BNC2: variants seen among roughly 807,000 people sequenced by gnomAD.
BNC2 encodes the protein basonuclin zinc finger protein 2, also known as zinc finger protein basonuclin-2.
In BNC2, 20 loss-of-function variants were observed where a neutral mutation model predicts 76.3. The observed-to-expected ratio is 0.26, with a 90% confidence interval of 0.18 to 0.38. The LOEUF is 0.38. Among genes scored for constraint, BNC2 ranks in the 10% least tolerant of loss-of-function variants. The pLI is 1.00. For synonymous variants in BNC2, 582 were observed against 514.8 expected, an observed-to-expected ratio of 1.13 and a Z score of -1.77; for missense variants, 1,382 against 1,399.8, an observed-to-expected ratio of 0.99 and a Z score of 0.20.
chr9:16,454,414 G>C (rs7856233), intron 5 of BNC2, among the ~76,000 whole-genome samples: 84,086 of 151,948 alleles, frequency 0.55, 25,866 homozygotes, highest in African/African-American at 0.83. Context: ...GATACTCTTG[G>C]CTCAGCCTCT....
chr9:16,431,910 G>A (rs530455413), intron 6 of BNC2, among the ~76,000 whole-genome samples: 2 of 152,262 alleles, frequency 1.3e-5, no homozygotes, highest in South Asian at 2.1e-4. Context: ...TGGAGCTCAG[G>A]CAGTAATGCT....
chr9:16,667,200 C>A (rs562567439), intron 3 of BNC2, among the ~76,000 whole-genome samples: 2 of 152,200 alleles, frequency 1.3e-5, no homozygotes, highest in African/African-American at 4.8e-5. Context: ...ATGTGATGAT[C>A]TACCTTCTTT....
intron 1 of BNC2, among the ~76,000 whole-genome samples, chr9:16,825,855 T>C (rs576913958): frequency 6.6e-6 from 1 of 152,026 alleles, no homozygotes; most frequent in African/African-American, 2.4e-5. Context: ...GTCTTTCACC[T>C]GAGCATAACT....
At chr9:16,452,095 G>C (rs892151982) in intron 5 of BNC2, among the ~76,000 whole-genome samples, 50 of 152,170 alleles carry the variant, frequency 3.3e-4, no homozygotes, top group Non-Finnish European at 3.8e-4. Flanking sequence ...GGTGCAGGGA[G>C]GCAGCATCAT....
At chr9:16,735,891 T>C (rs1246294431) in intron 2 of BNC2, among the ~76,000 whole-genome samples, 2 of 151,990 alleles carry the variant, frequency 1.3e-5, no homozygotes, top group Non-Finnish European at 2.9e-5. Context: ...ATAATAATGG[T>C]TTAAATTACT....
intron 3 of BNC2, among the ~76,000 whole-genome samples, chr9:16,703,007 A>G (rs1823559615): frequency 6.6e-6 from 1 of 152,188 alleles, no homozygotes; most frequent in Admixed American, 6.5e-5. Context: ...ACAAGTGATG[A>G]TATTTTTTAA....
intron 1 of BNC2, among the ~76,000 whole-genome samples, chr9:16,800,391 G>C (rs1048903830): frequency 2.0e-5 from 3 of 152,134 alleles, no homozygotes; most frequent in African/African-American, 4.8e-5. Flanking sequence ...AAGGAGCACA[G>C]CGTCTGTCCT....
At chr9:16,749,526 C>G (rs1008334101) in intron 1 of BNC2, among the ~76,000 whole-genome samples, 1 of 151,974 alleles carries the variant, frequency 6.6e-6, no homozygotes, top group South Asian at 2.1e-4. Context: ...AGAGTGAGAT[C>G]CCATCGCTAC....
chr9:16,849,121 T>C (rs1048361491), intron 1 of BNC2, among the ~76,000 whole-genome samples: 2 of 152,004 alleles, frequency 1.3e-5, no homozygotes, highest in African/African-American at 4.8e-5. Context: ...ATGAGAAAAT[T>C]CCAGAGTTTC....
intron 3 of BNC2, among the ~76,000 whole-genome samples, chr9:16,607,726 G>T (rs1482618742): frequency 6.6e-6 from 1 of 152,140 alleles, no homozygotes; most frequent in East Asian, 1.9e-4. Flanking sequence ...GAAATCTAAG[G>T]TGATGTTTTC....
At chr9:16,813,155 G>A (rs553374334) in intron 1 of BNC2, among the ~76,000 whole-genome samples, 174 of 152,200 alleles carry the variant, frequency 1.1e-3, no homozygotes, top group Non-Finnish European at 1.9e-3. Context: ...CTGAGATGGC[G>A]CCACTGCACT....
At chr9:16,563,511 T>C (rs1016303085) in intron 4 of BNC2, among the ~76,000 whole-genome samples, 2 of 152,178 alleles carry the variant, frequency 1.3e-5, no homozygotes, top group African/African-American at 4.8e-5. Context: ...CCCTTTTCCA[T>C]AAATTGAAAA....
At chr9:16,692,011 A>G (rs1216637098) in intron 3 of BNC2, among the ~76,000 whole-genome samples, 5 of 150,870 alleles carry the variant, frequency 3.3e-5, no homozygotes, top group Admixed American at 1.3e-4. Flanking sequence ...GGGTTTCTCC[A>G]TGCTGGCCAG....
At chr9:16,653,394 A>G (rs1484437740) in intron 3 of BNC2, among the ~76,000 whole-genome samples, 1 of 152,162 alleles carries the variant, frequency 6.6e-6, no homozygotes, top group Non-Finnish European at 1.5e-5. Flanking sequence ...TGCCGCCTTA[A>G]ATACAAAATG....
At position 16,702,638 on chromosome 9, in the gene BNC2, C is replaced by A. The variant is rs200178181; in HGVS notation, c.330+25159G>T. ...CATTTTATTTAAACTTATTCCCCTA[C>A]CATCCTACACTACTATTTCCAAAAA... On this transcript the variant is annotated intron_variant, in intron 3 of 6. Coordinates refer to ENST00000380672, the MANE Select transcript of BNC2 (RefSeq NM_017637.6). Among the ~76,000 whole-genome samples the A allele has an allele frequency of 9.4e-5, 3 of 31,816 alleles. No individual in the cohort carries two copies. In the East Asian group the frequency reaches 1.4e-3, roughly 15 times the overall value. The allele number at this position is 31,816 out of a possible 152,430, so 20.9% of individuals were successfully genotyped here. A position where few individuals can be genotyped will look rare whatever the true frequency, so the allele number is the denominator to read the frequency against.
chr9:16,716,168 C>G (rs572210055), intron 3 of BNC2, among the ~76,000 whole-genome samples: 26 of 152,140 alleles, frequency 1.7e-4, no homozygotes, highest in Non-Finnish European at 2.5e-4. Context: ...CACTTCCTTT[C>G]TAGAGCTATC....
intron 3 of BNC2, among the ~76,000 whole-genome samples, chr9:16,619,637 C>G (rs1820808566): frequency 6.6e-6 from 1 of 152,088 alleles, no homozygotes; most frequent in Non-Finnish European, 1.5e-5. Context: ...GTTTATAGCA[C>G]CATACCAGTT....
intron 5 of BNC2, among the ~76,000 whole-genome samples, chr9:16,464,417 G>C (rs1348421278): frequency 1.3e-5 from 2 of 151,928 alleles, no homozygotes; most frequent in African/African-American, 4.8e-5. Context: ...AAACAAACCT[G>C]GAAGAAGGGA....
At chr9:16,541,427 G>A (rs769931173) in intron 5 of BNC2, among the ~76,000 whole-genome samples, 9 of 152,270 alleles carry the variant, frequency 5.9e-5, no homozygotes, top group Non-Finnish European at 8.8e-5. Context: ...CATGGCTACT[G>A]CAAGACAGAC....
Sources: gnomAD v4.1 joint callset for allele counts (sites outside exome capture counted in the v4.1 genomes callset) on GRCh38, gnomAD v4.1.1 for gene constraint, MANE v1.5 for transcripts, NCBI Gene and HGNC (gene_info 2026-07-23, HGNC 2026-07-21) for gene names.